The following USP28 variants were observed in gnomAD, a reference collection of about 807,000 sequenced individuals.
The protein encoded by USP28 is ubiquitin carboxyl-terminal hydrolase 28.
USP28 carries 113 observed loss-of-function variants against 145.0 expected under a neutral mutation model. The observed-to-expected ratio is 0.78, with a 90% confidence interval of 0.67 to 0.91. The LOEUF is 0.91. Among genes scored for constraint, USP28 ranks in the 40% least tolerant of loss-of-function variants. The probability of loss-of-function intolerance (pLI) is 0.00; values close to 1 mark genes in which losing one functional copy is unlikely to be tolerated. For missense variants in USP28, 1,201 were observed against 1,289.6 expected, an observed-to-expected ratio of 0.93 and a Z score of 1.05; for synonymous variants, 447 against 450.9, an observed-to-expected ratio of 0.99 and a Z score of 0.11.
intron 16 of USP28, among the ~76,000 whole-genome samples, chr11:113,810,623 C>T (rs1049777336): frequency 6.6e-6 from 1 of 152,192 alleles, no homozygotes; most frequent in Non-Finnish European, 1.5e-5. Context: ...TTCCCTAATC[C>T]CCAACCACAC....
At chr11:113,816,249 G>A (rs1173463493) in intron 13 of USP28, among the ~76,000 whole-genome samples, 1 of 152,144 alleles carries the variant, frequency 6.6e-6, no homozygotes, top group Admixed American at 6.5e-5. Context: ...GGGTACGGTG[G>A]CTCACGCCTG....
chr11:113,803,975 A>T (rs569883199), intron 21 of USP28, 98 bp from the exon 23 acceptor site: 1 of 1,007,948 alleles, frequency 9.9e-7, no homozygotes, highest in African/African-American at 1.7e-5. Context: ...TTTACTGAGC[A>T]CATCTGGCTA....
chr11:113,829,655 T>C (rs1943760741), intron 9 of USP28, among the ~76,000 whole-genome samples: 1 of 151,974 alleles, frequency 6.6e-6, no homozygotes, highest in Admixed American at 6.6e-5. Flanking sequence ...GTGACACCCC[T>C]GTCTCTACAA....
At chr11:113,802,875 G>A (rs1051028812) in intron 23 of USP28, among the ~76,000 whole-genome samples, 2 of 152,166 alleles carry the variant, frequency 1.3e-5, no homozygotes, top group Non-Finnish European at 2.9e-5. Context: ...AACCTAGTAG[G>A]AAAGCAATGT....
intron 12 of USP28, among the ~76,000 whole-genome samples, chr11:113,822,658 C>T (rs1194575046): frequency 1.3e-5 from 2 of 152,142 alleles, no homozygotes; most frequent in African/African-American, 4.8e-5. Context: ...TCCAGCCTTA[C>T]AAAGTATCAC....
rs768599891 is a variant in USP28, at chr11:113,803,893, G to A, written c.2659-16C>T. 20 of 1,602,632 alleles carry A rather than the reference G, an allele frequency of 1.2e-5. No homozygotes were observed. The East Asian group carries it at 1.3e-4, about 11-fold the overall frequency. On this transcript the variant is annotated splice_polypyrimidine_tract_variant and intron_variant, in intron 21 of 24. Transcript: ENST00000003302. ...CATGCCACTTCTGAAAAAGAATGAC[G>A]ATTATTAATAATCATGATCATAATA...
In USP28 at chr11:113,824,702, A is replaced by G. The variant is rs547399150; in HGVS notation, c.1188-1002T>C. On this transcript the variant is annotated intron_variant, in intron 11 of 24. Transcript: ENST00000003302. ...TCCCAACACTTTGGGAGGCCGAGGC[A>G]GGCGGATTACCTGAGGACGGGAGTT... Among the ~76,000 whole-genome samples the G allele has an allele frequency of 2.7e-4, 41 of 151,360 alleles. 1 individual carries two copies. In the South Asian group the frequency reaches 5.5e-3, roughly 20 times the overall value.
In USP28 at chr11:113,824,298, T is replaced by C. The variant is rs536318703; in HGVS notation, c.1188-598A>G. Among the ~76,000 whole-genome samples, 7 of 152,184 alleles carry C rather than the reference T, an allele frequency of 4.6e-5. No individual in the cohort carries two copies. The South Asian group carries it at 1.5e-3, about 32-fold the overall frequency. On this transcript the variant is annotated intron_variant, in intron 11 of 24. Coordinates refer to ENST00000003302, the Ensembl canonical transcript of USP28. ...TTATTTAATAAATGGAGCTATACAC[T>C]GTTCATGGATTGAAGGACTCAATAT... is the stretch of plus-strand genomic sequence containing the variant.
chr11:113,810,034 CAAAAAAAAAA>C (rs368686301), intron 16 of USP28, among the ~76,000 whole-genome samples: 4 of 68,984 alleles, frequency 5.8e-5, no homozygotes, highest in African/African-American at 1.1e-4. Flanking sequence ...GACTCCATCT[CAAAAAAAAAA>C]AAAAAAAAAA....
At chr11:113,870,210 G>A (rs1565521286) in intron 1 of USP28, among the ~76,000 whole-genome samples, 1 of 151,852 alleles carries the variant, frequency 6.6e-6, no homozygotes, top group Non-Finnish European at 1.5e-5. Context: ...GGTAATGAGG[G>A]ATCATAAAAG....
chr11:113,827,309 C>T (rs747500642), exon 11 of USP28: 1 of 1,612,610 alleles, frequency 6.2e-7, no homozygotes, highest in African/African-American at 1.3e-5. Flanking sequence ...TGATTAAACT[C>T]AAATCTTGAG....
rs1943508799 is a variant in USP28 at position 113,827,437 on chromosome 11, C to T, written c.1060-77G>A. On this transcript the variant is annotated intron_variant, in intron 10 of 24. Transcript: ENST00000003302. ...TACAATAACCAGATTTAAAATATCT[C>T]TCATTAAAGTTTCTTCCTTTGGTAT... is the stretch of plus-strand genomic sequence containing the variant. The T allele has an allele frequency of 2.8e-6, 4 of 1,433,354 alleles. 1 individual carries two copies. In the South Asian group the frequency reaches 4.4e-5, roughly 16 times the overall value. The allele number at this position is 1,433,354 out of a possible 1,614,324, so 88.8% of individuals were successfully genotyped here.
intron 3 of USP28, among the ~76,000 whole-genome samples, chr11:113,846,358 C>T (rs1945848388): frequency 6.6e-6 from 1 of 152,118 alleles, no homozygotes; most frequent in African/African-American, 2.4e-5. Flanking sequence ...CTGTCACATG[C>T]TACAACATGG....
intron 1 of USP28, among the ~76,000 whole-genome samples, chr11:113,864,240 C>G (rs1185510472): frequency 6.6e-6 from 1 of 150,574 alleles, no homozygotes; most frequent in Non-Finnish European, 1.5e-5. Flanking sequence ...GACTCTGTCT[C>G]AAAAAAAAGG....
At chr11:113,859,045 A>AT (rs1395560147) in intron 1 of USP28, among the ~76,000 whole-genome samples, 3 of 151,766 alleles carry the variant, frequency 2.0e-5, no homozygotes, top group South Asian at 2.1e-4. Flanking sequence ...AACTACTTTA[A>AT]TTTTTTTTTC....
Position 113,830,855 on chromosome 11 carries a change from C to T in USP28, c.910+12G>A. 2 of 1,610,646 alleles carry T rather than the reference C, an allele frequency of 1.2e-6. No homozygotes were observed. Among genetic ancestry groups the T allele is most frequent in the Non-Finnish European group, 1.7e-6 (2 of 1,178,758 alleles). On this transcript the variant is annotated intron_variant, in intron 9 of 24. Coordinates refer to ENST00000003302, the Ensembl canonical transcript of USP28. ...AAAGGTCTAGAATTAAAATTCAGAG[C>T]AGAGAATTTACCTTCACGAACCCCT... is the stretch of plus-strand genomic sequence containing the variant.
intron 1 of USP28, among the ~76,000 whole-genome samples, chr11:113,857,001 A>G (rs1432895752): frequency 1.3e-5 from 2 of 152,264 alleles, no homozygotes; most frequent in Non-Finnish European, 2.9e-5. Context: ...AGCTATCATC[A>G]GAAGTAGAGA....
At chr11:113,866,056 G>A (rs762171537) in intron 1 of USP28, among the ~76,000 whole-genome samples, 5 of 152,336 alleles carry the variant, frequency 3.3e-5, no homozygotes, top group South Asian at 2.1e-4. Context: ...CGAGCACTCC[G>A]GGAGGCCAAT....
chr11:113,818,710 A>T (rs1942138941), intron 12 of USP28, among the ~76,000 whole-genome samples: 1 of 152,068 alleles, frequency 6.6e-6, no homozygotes, highest in South Asian at 2.1e-4. Flanking sequence ...AAATGAAAAA[A>T]ATTAGCCAGG....
Sources: allele counts gnomAD v4.1 joint callset (sites outside exome capture counted in the v4.1 genomes callset), GRCh38; gene constraint gnomAD v4.1.1; transcripts MANE v1.5; gene names NCBI Gene and HGNC (gene_info 2026-07-23, HGNC 2026-07-21).